The following PAQR5 variants were observed in gnomAD, a reference collection of about 807,000 sequenced individuals.
PAQR5 encodes progestin and adipoQ receptor family member 5, also known as membrane progestin receptor gamma.
PAQR5 carries 20 observed loss-of-function variants against 34.5 expected under a neutral mutation model. That is an observed-to-expected ratio of 0.58 (90% confidence interval 0.41 to 0.84). The LOEUF (loss-of-function observed/expected upper bound fraction) is 0.84. Among genes scored for constraint, PAQR5 ranks in the 40% least tolerant of loss-of-function variants. PAQR5 has a pLI of 0.00. For missense variants in PAQR5, 378 were observed against 412.7 expected, an observed-to-expected ratio of 0.92 and a Z score of 0.73; for synonymous variants, 131 against 155.6, an observed-to-expected ratio of 0.84 and a Z score of 1.18.
intron 1 of PAQR5, among the ~76,000 whole-genome samples, chr15:69,326,761 G>A (rs927522854): frequency 1.3e-5 from 2 of 152,062 alleles, no homozygotes; most frequent in Non-Finnish European, 1.5e-5. Flanking sequence ...TAGACTTTAT[G>A]TTTTAGAGCA....
chr15:69,386,259 T>TCACACACACCACATACATA lies in PAQR5; in HGVS notation c.385+1391_385+1409dup, dbSNP rs994159693. Among the ~76,000 whole-genome samples the TCACACACACCACATACATA allele has an allele frequency of 3.8e-4, 56 of 146,486 alleles. 1 individual carries two copies. Among genetic ancestry groups the TCACACACACCACATACATA allele is most frequent in the Admixed American group, 3.8e-3 (56 of 14,738 alleles). The stretch of plus-strand genomic sequence containing the variant: ...CACACACACACACCACACACACACA[T>TCACACACACCACATACATA]CACACACACCACATACATACACACA... On this transcript the variant is annotated intron_variant, in intron 5 of 8. Coordinates refer to ENST00000395407, the MANE Select transcript of PAQR5 (RefSeq NM_017705.4).
chr15:69,322,838 GGAA>G (rs1360985651), intron 1 of PAQR5, among the ~76,000 whole-genome samples: 1 of 19,382 alleles, frequency 5.2e-5, no homozygotes, highest in Non-Finnish European at 1.1e-4. Flanking sequence ...AAGAAGAAGA[GGAA>G]GAAGAAGAGG....
intron 2 of PAQR5, among the ~76,000 whole-genome samples, chr15:69,344,028 T>C (rs1340199679): frequency 2.0e-5 from 3 of 152,196 alleles, no homozygotes; most frequent in Admixed American, 1.3e-4. Context: ...GAGATGGGGT[T>C]TCACCAAGTT....
intron 7 of PAQR5, 149 bp downstream of exon 7, chr15:69,397,713 C>T (rs1037769004): frequency 3.0e-6 from 2 of 659,048 alleles, no homozygotes; most frequent in Admixed American, 2.5e-5. Context: ...AGCCCCTCCA[C>T]ACCTGTGGGT....
intron 4 of PAQR5, among the ~76,000 whole-genome samples, chr15:69,382,545 T>C (rs1431445087): frequency 6.7e-6 from 1 of 149,504 alleles, no homozygotes; most frequent in Non-Finnish European, 1.5e-5. Flanking sequence ...CTTGGGAGGC[T>C]GAGACAGGAG....
chr15:69,324,987 C>T (rs2054214231), intron 1 of PAQR5, among the ~76,000 whole-genome samples: 1 of 151,788 alleles, frequency 6.6e-6, no homozygotes, highest in African/African-American at 2.4e-5. Context: ...CAATCTCTTC[C>T]TCCCAGGCTC....
rs147834219 is a variant in PAQR5 at position 69,324,065 on chromosome 15, A to G, written c.-276-13276A>G. Among the ~76,000 whole-genome samples the G allele has an allele frequency of 3.0e-3, 442 of 148,820 alleles. 4 individuals carry two copies. The highest frequency in any genetic ancestry group is 0.011 in the African/African-American group (431 of 40,400). ...TGCAATGTGCTAGGGAATATCATTC[A>G]GCTTTTTCAGATATGTAATAATCGT... On this transcript the variant is annotated intron_variant, in intron 1 of 8. Transcript: ENST00000395407.
intron 1 of PAQR5, among the ~76,000 whole-genome samples, chr15:69,330,501 T>G (rs1316766799): frequency 1.3e-5 from 2 of 152,140 alleles, no homozygotes; most frequent in African/African-American, 4.8e-5. Flanking sequence ...TTAAGATCAG[T>G]GCTTGGGATA....
At chr15:69,374,747 T>G (rs542971336) in intron 3 of PAQR5, among the ~76,000 whole-genome samples, 2 of 152,284 alleles carry the variant, frequency 1.3e-5, no homozygotes, top group South Asian at 4.1e-4. Flanking sequence ...TCCCCTGCCC[T>G]CTGCCAGCAA....
At chr15:69,330,535 G>A (rs1240243400) in intron 1 of PAQR5, among the ~76,000 whole-genome samples, 1 of 152,066 alleles carries the variant, frequency 6.6e-6, no homozygotes, top group East Asian at 1.9e-4. Context: ...GCACTCGGTG[G>A]ATCAGCAGGC....
intron 2 of PAQR5, among the ~76,000 whole-genome samples, chr15:69,355,222 C>T (rs1203156942): frequency 2.0e-5 from 3 of 152,104 alleles, no homozygotes; most frequent in Non-Finnish European, 2.9e-5. Context: ...TACCTATCTA[C>T]TTGGTTCTGC....
intron 1 of PAQR5, among the ~76,000 whole-genome samples, chr15:69,304,533 A>T (rs1054564999): frequency 5.3e-5 from 8 of 152,304 alleles, no homozygotes; most frequent in African/African-American, 1.7e-4. Context: ...GGCATCTAGG[A>T]AAAAAGATAG....
chr15:69,366,597 G>C (rs938659179), intron 3 of PAQR5, among the ~76,000 whole-genome samples: 3 of 152,138 alleles, frequency 2.0e-5, no homozygotes, highest in African/African-American at 4.8e-5. Context: ...CTTGACGTTT[G>C]TTCAGACTAG....
intron 2 of PAQR5, among the ~76,000 whole-genome samples, chr15:69,339,610 C>G (rs1173882511): frequency 6.6e-6 from 1 of 152,130 alleles, no homozygotes; most frequent in African/African-American, 2.4e-5. Flanking sequence ...GTAACTGGGA[C>G]CACAGGTGCA....
At chr15:69,320,360 A>G (rs913960818) in intron 1 of PAQR5, among the ~76,000 whole-genome samples, 1 of 152,122 alleles carries the variant, frequency 6.6e-6, no homozygotes, top group Non-Finnish European at 1.5e-5. Context: ...ACCCTTGGTG[A>G]GCTGGATTTA....
chr15:69,394,397 TC>T (rs1354046876), intron 6 of PAQR5, among the ~76,000 whole-genome samples: 2 of 152,244 alleles, frequency 1.3e-5, no homozygotes, highest in East Asian at 3.9e-4. Flanking sequence ...CCTGCAGTTC[TC>T]CAAAATAAGA....
chr15:69,342,171 G>T (rs1432289278), intron 2 of PAQR5, among the ~76,000 whole-genome samples: 2 of 152,088 alleles, frequency 1.3e-5, no homozygotes, highest in Admixed American at 1.3e-4. Flanking sequence ...CATCCTAATG[G>T]CTATGAAGCG....
At chr15:69,333,463 C>G (rs1246000775) in intron 1 of PAQR5, among the ~76,000 whole-genome samples, 1 of 152,122 alleles carries the variant, frequency 6.6e-6, no homozygotes, top group Admixed American at 6.6e-5. Context: ...ATACTTGACT[C>G]TGCACACTTG....
intron 2 of PAQR5, among the ~76,000 whole-genome samples, chr15:69,348,021 A>G (rs2140772705): frequency 6.6e-6 from 1 of 152,260 alleles, no homozygotes; most frequent in Admixed American, 6.5e-5. Flanking sequence ...CTCTGCAGCC[A>G]ACAGTCCTCA....
Sources: allele counts gnomAD v4.1 joint callset (sites outside exome capture counted in the v4.1 genomes callset), GRCh38; gene constraint gnomAD v4.1.1; transcripts MANE v1.5; gene names NCBI Gene and HGNC (gene_info 2026-07-23, HGNC 2026-07-21).